The following ATP2C2 variants were observed in gnomAD, a reference collection of about 807,000 sequenced individuals.
ATP2C2 encodes calcium-transporting ATPase type 2C member 2.
Under a neutral mutation model 110.8 loss-of-function variants are expected in ATP2C2, and 171 were observed. The ratio of observed to expected loss-of-function variants is 1.54; its 90% CI spans 1.36 to 1.75. The LOEUF (loss-of-function observed/expected upper bound fraction) is 1.75, where lower values mean the gene tolerates loss of function less well. Among genes scored for constraint, ATP2C2 ranks in the 40% most tolerant of loss-of-function variants. The pLI is 0.00. For synonymous variants in ATP2C2, 804 were observed against 508.4 expected (o/e 1.58, Z -7.82); for missense variants, 1,963 against 1,235.0 (o/e 1.59, Z -8.84).
In ATP2C2 at chr16:84,402,655, A is replaced by G. The variant is rs972490282; in HGVS notation, c.211-2473A>G. ...TTGGGATAAATTCCTTTTGGTCATG[A>G]TGAATTTTCATTTTAATGTGTTATT... is the stretch of plus-strand genomic sequence containing the variant. On this transcript the variant is annotated intron_variant, in intron 2 of 26. Transcript: ENST00000262429. Among the ~76,000 whole-genome samples, 6 of 152,172 alleles carry G rather than the reference A, an allele frequency of 3.9e-5. No homozygotes were observed. In the South Asian group the frequency reaches 6.2e-4, roughly 16 times the overall value.
chr16:84,370,293 C>T (rs556822545), intron 1 of ATP2C2, among the ~76,000 whole-genome samples: 3 of 152,294 alleles, frequency 2.0e-5, no homozygotes, highest in Non-Finnish European at 4.4e-5. Context: ...GGCTGTGGAC[C>T]GGGGTGCTCT....
intron 3 of ATP2C2, chr16:84,406,601 C>T (rs1234421796): frequency 2.0e-6 from 2 of 985,514 alleles, no homozygotes; most frequent in East Asian, 1.1e-4. Flanking sequence ...TCTCAGTGTT[C>T]TGGGAATGTT....
chr16:84,427,465 C>A (rs1015702375), intron 11 of ATP2C2, among the ~76,000 whole-genome samples: 2 of 152,102 alleles, frequency 1.3e-5, no homozygotes, highest in South Asian at 4.2e-4. Context: ...TACCTGTAAT[C>A]CTAGCGCTTT....
intron 9 of ATP2C2, 97 bp downstream of exon 9, chr16:84,422,794 T>G: frequency 7.9e-7 from 1 of 1,265,774 alleles, no homozygotes; most frequent in South Asian, 1.5e-5. Context: ...TAGGAATGAG[T>G]GGCATGTGGT....
Position 84,453,229 on chromosome 16 carries a change from G to T in ATP2C2, c.1923G>T (p.Val641=). Residue 641 remains valine (V), a synonymous_variant, in exon 19 of 27, where the codon GTG becomes GTT. Coordinates refer to ENST00000262429, the MANE Select transcript of ATP2C2 (RefSeq NM_014861.4). Reference sequence around the variant, plus strand: ...AGAAGGGCGAGCTGGCCGACCGCGTGGGGAAGGTGGGTCCCCGGAGGCTTG... The same window carrying T: ...AGAAGGGCGAGCTGGCCGACCGCGTTGGGAAGGTGGGTCCCCGGAGGCTTG... ...SVEKGELADR[V]GKVSVFFRTS... 1 of 1,614,084 alleles carries T rather than the reference G, an allele frequency of 6.2e-7. No individual in the cohort carries two copies. Among genetic ancestry groups the T allele is most frequent in the Non-Finnish European group, 8.5e-7 (1 of 1,179,958 alleles).
At chr16:84,463,061 G>A (rs3743661) in intron 26 of ATP2C2, 22,245 of 156,054 alleles carry the variant, frequency 0.14, 1,975 homozygotes, top group East Asian at 0.47. Context: ...TCCACCCGCC[G>A]GGAAGGAAGT....
At chr16:84,419,208 TAA>T (rs59552270) in intron 7 of ATP2C2, among the ~76,000 whole-genome samples, 2,668 of 47,342 alleles carry the variant, frequency 0.056, 49 homozygotes, top group South Asian at 0.087. Context: ...ACCCCATCTT[TAA>T]AAAAAAAAAA....
chr16:84,445,568 GAT>G (rs1567731334), intron 15 of ATP2C2, among the ~76,000 whole-genome samples: 1 of 152,056 alleles, frequency 6.6e-6, no homozygotes, highest in Non-Finnish European at 1.5e-5. Context: ...TCAAATTGAC[GAT>G]ATCTGCAAAG....
At chr16:84,390,694 A>G (rs1904603947) in intron 1 of ATP2C2, among the ~76,000 whole-genome samples, 1 of 152,120 alleles carries the variant, frequency 6.6e-6, no homozygotes, top group Non-Finnish European at 1.5e-5. Flanking sequence ...GTGTTTGGGG[A>G]TGAGCTCCAC....
intron 14 of ATP2C2, among the ~76,000 whole-genome samples, chr16:84,441,647 G>T (rs115682649): frequency 2.6e-5 from 4 of 151,980 alleles, no homozygotes; most frequent in African/African-American, 7.2e-5. Context: ...ATGACCAGGC[G>T]TGGTGGCTCA....
chr16:84,452,128 C>CCCAT, intron 18 of ATP2C2, 37 bp downstream of exon 18: 3 of 1,608,512 alleles, frequency 1.9e-6, no homozygotes, highest in Non-Finnish European at 2.5e-6. Context: ...GACGAAAGGA[C>CCCAT]CCATCCATCC....
intron 7 of ATP2C2, among the ~76,000 whole-genome samples, chr16:84,421,058 G>A (rs1006297478): frequency 2.6e-5 from 4 of 152,116 alleles, no homozygotes; most frequent in South Asian, 2.1e-4. Flanking sequence ...TGCCTGCCTC[G>A]GCCTCCCAAA....
Position 84,463,907 on chromosome 16 carries a change from ACATC to A in ATP2C2, c.*182_*185del, listed in dbSNP as rs1167914242. On this transcript the variant is annotated 3_prime_UTR_variant, in exon 27 of 27. Coordinates refer to ENST00000262429, the MANE Select transcript of ATP2C2 (RefSeq NM_014861.4). ...TCGTGGGCTCCAGGGACCCAGGCCCACATCCATCCAGCGTTCCCGCTGGCTGTGG... is the reference window on the plus strand; with the variant it reads ...TCGTGGGCTCCAGGGACCCAGGCCCACATCCAGCGTTCCCGCTGGCTGTGG... 1.1e-5 allele frequency: 7 copies of A among 614,768 alleles called. No individual in the cohort carries two copies. Among genetic ancestry groups the A allele is most frequent in the Middle Eastern group, 4.5e-4 (1 of 2,234 alleles). The allele number at this position is 614,768 out of a possible 1,614,324, so 38.1% of individuals were successfully genotyped here. A position where few individuals can be genotyped will look rare whatever the true frequency, so the allele number is the denominator to read the frequency against.
chr16:84,378,145 C>T (rs531549569), intron 1 of ATP2C2, among the ~76,000 whole-genome samples: 7 of 152,300 alleles, frequency 4.6e-5, no homozygotes, highest in East Asian at 3.9e-4. Context: ...AAACCAAGGA[C>T]GCCAACTCCC....
rs539677517 is a variant in ATP2C2, at chr16:84,398,307, G to C, written c.100-192G>C. Among the ~76,000 whole-genome samples the C allele has an allele frequency of 1.1e-4, 16 of 152,276 alleles. No homozygotes were observed. The South Asian group carries it at 1.9e-3, about 18-fold the overall frequency. ...TGTAATCCCAGCTACTCGGGAGGCTGAGACAGAAGAATCTCTTGAACCCGG... is the reference window on the plus strand; with the variant it reads ...TGTAATCCCAGCTACTCGGGAGGCTCAGACAGAAGAATCTCTTGAACCCGG... On this transcript the variant is annotated intron_variant, in intron 1 of 26. Transcript: ENST00000262429.
chr16:84,462,278 C>G lies in ATP2C2; in HGVS notation c.2722+149C>G, dbSNP rs1041375142. The G allele has an allele frequency of 6.7e-6, 7 of 1,044,814 alleles. No individual in the cohort carries two copies. The Admixed American group carries it at 1.3e-4, about 19-fold the overall frequency. 64.7% of individuals were successfully genotyped at this position (1,044,814 alleles called of 1,614,324 possible). A position where few individuals can be genotyped will look rare whatever the true frequency, so the allele number is the denominator to read the frequency against. ...GCTCTGTCTTCAGGGCCCTTCTGTC[C>G]TCACAGGAAGGGACTCTAACGTGGG... On this transcript the variant is annotated intron_variant, in intron 26 of 26. Transcript: ENST00000262429.
intron 1 of ATP2C2, among the ~76,000 whole-genome samples, chr16:84,382,864 C>T (rs1290056558): frequency 2.0e-5 from 3 of 148,696 alleles, no homozygotes; most frequent in Non-Finnish European, 1.5e-5. Flanking sequence ...TCACTGCATT[C>T]CAGCGTGGGC....
At position 84,452,035 on chromosome 16, in the gene ATP2C2, C is replaced by T; in HGVS notation, c.1775C>T (p.Ser592Phe). Residue 592 changes from serine (S) to phenylalanine (F), a missense_variant, in exon 18 of 27, where the codon TCT becomes TTT. Ser to Phe is a radical substitution (Grantham distance 155, BLOSUM62 -2). Transcript: ENST00000262429. ...VKEAVQVLSE[S>F]GVSVKMITGD... is the part of the protein sequence containing the mutation. ...GAAGCAGTCCAGGTTCTCTCCGAGT[C>T]TGGTGTGTCTGTGAAGATGATAACG... 6.2e-7 allele frequency: 1 copy of T among 1,613,568 alleles called. No individual in the cohort carries two copies. The highest frequency in any genetic ancestry group is 8.5e-7 in the Non-Finnish European group (1 of 1,179,956).
intron 11 of ATP2C2, 164 bp downstream of exon 11, chr16:84,425,965 T>G: frequency 1.3e-6 from 1 of 751,356 alleles, no homozygotes; most frequent in South Asian, 1.7e-5. Flanking sequence ...CTCCGACAGG[T>G]ACAGAGTGCC....
Sources: gnomAD v4.1 joint callset for allele counts (sites outside exome capture counted in the v4.1 genomes callset) on GRCh38, gnomAD v4.1.1 for gene constraint, MANE v1.5 for transcripts, NCBI Gene and HGNC (gene_info 2026-07-23, HGNC 2026-07-21) for gene names.